Variants in AKAP13 observed in about 807,000 individuals in gnomAD.
AKAP13 encodes the protein A-kinase anchoring protein 13.
A neutral mutation model predicts 264.5 loss-of-function variants in AKAP13; 80 were observed. The ratio of observed to expected loss-of-function variants is 0.30; its 90% CI spans 0.25 to 0.36. The LOEUF (loss-of-function observed/expected upper bound fraction) is 0.36. Ranked by LOEUF, AKAP13 falls within the 10% of genes least tolerant of loss-of-function variation. AKAP13 has a pLI of 1.00. For missense variants in AKAP13, 3,712 were observed against 3,435.2 expected (o/e 1.08, Z -2.01); for synonymous variants, 1,380 against 1,250.2 (o/e 1.10, Z -2.19).
At chr15:85,502,980 G>C (rs1342596924) in intron 2 of AKAP13, among the ~76,000 whole-genome samples, 1 of 152,202 alleles carries the variant, frequency 6.6e-6, no homozygotes, top group Admixed American at 6.5e-5. Context: ...GAGATTAAGA[G>C]AGGTAGAGAC....
Position 85,549,688 on chromosome 15 carries a change from C to T in AKAP13, c.662+5733C>T, listed in dbSNP as rs764087710. On this transcript the variant is annotated intron_variant, in intron 5 of 36. Transcript: ENST00000394518. ...AATGCCAAGGCCCATATTCTTCCCTCTACAAAAATTTGGCAGAGAGAAAGA... is the reference window on the plus strand; with the variant it reads ...AATGCCAAGGCCCATATTCTTCCCTTTACAAAAATTTGGCAGAGAGAAAGA... 6.9e-4 allele frequency among the ~76,000 whole-genome samples: 105 copies of T among 152,112 alleles called. 1 individual carries two copies. The highest frequency in any genetic ancestry group is 1.2e-3 in the Non-Finnish European group (81 of 68,014).
chr15:85,498,079 AG>A (rs968334002), intron 2 of AKAP13, among the ~76,000 whole-genome samples: 22 of 151,966 alleles, frequency 1.4e-4, no homozygotes, highest in African/African-American at 5.1e-4. Context: ...TGAGGGACAG[AG>A]GGAGAATGGT....
At chr15:85,420,204 G>A (rs1332469815) in intron 1 of AKAP13, among the ~76,000 whole-genome samples, 3 of 151,276 alleles carry the variant, frequency 2.0e-5, no homozygotes, top group Admixed American at 2.0e-4. Flanking sequence ...GCCTCCCAAA[G>A]TGCTGGGATT....
intron 19 of AKAP13, among the ~76,000 whole-genome samples, chr15:85,711,816 G>A (rs915994565): frequency 1.3e-5 from 2 of 152,138 alleles, no homozygotes; most frequent in African/African-American, 2.4e-5. Flanking sequence ...CCAGCATTCT[G>A]TGTTTTTTTG....
chr15:85,501,661 T>A (rs1596347540), intron 2 of AKAP13, among the ~76,000 whole-genome samples: 1 of 152,352 alleles, frequency 6.6e-6, no homozygotes, highest in East Asian at 1.9e-4. Flanking sequence ...ATAACTATTT[T>A]TTTTCTACAT....
intron 17 of AKAP13, among the ~76,000 whole-genome samples, chr15:85,700,571 C>T (rs1487955503): frequency 2.6e-5 from 4 of 152,216 alleles, no homozygotes; most frequent in African/African-American, 7.2e-5. Context: ...TTCTCAGCCA[C>T]ACTTCTGTGT....
chr15:85,573,640 A>G (rs1330857695), intron 5 of AKAP13, among the ~76,000 whole-genome samples: 1 of 152,066 alleles, frequency 6.6e-6, no homozygotes, highest in African/African-American at 2.4e-5. Flanking sequence ...CATTTCATAT[A>G]AGGAGGAAAG....
At chr15:85,424,955 T>G (rs2072700405) in intron 1 of AKAP13, among the ~76,000 whole-genome samples, 1 of 152,228 alleles carries the variant, frequency 6.6e-6, no homozygotes, top group Admixed American at 6.5e-5. Context: ...TTATTTAGTT[T>G]GCTGTCTTCT....
chr15:85,666,372 T>A (rs897601679), intron 13 of AKAP13, among the ~76,000 whole-genome samples: 12 of 148,940 alleles, frequency 8.1e-5, no homozygotes, highest in Non-Finnish European at 1.4e-4. Flanking sequence ...TTGATGGAGT[T>A]TTTTTTTTCT....
chr15:85,653,499 T>C lies in AKAP13; in HGVS notation c.4375-1918T>C, dbSNP rs2082958508. ...GAACTGGAAAAAGAAAGCCTTCTTA[T>C]TAGCTTATGAGATCAAGCCCAAAAG... On this transcript the variant is annotated intron_variant, in intron 10 of 36. Coordinates refer to ENST00000394518, the MANE Select transcript of AKAP13 (RefSeq NM_007200.5). Among the ~76,000 whole-genome samples, 3 of 152,208 alleles carry C rather than the reference T, an allele frequency of 2.0e-5. No individual in the cohort carries two copies. The South Asian group carries it at 6.2e-4, about 31-fold the overall frequency.
At chr15:85,623,468 T>G (rs1244866633) in intron 8 of AKAP13, among the ~76,000 whole-genome samples, 1 of 152,228 alleles carries the variant, frequency 6.6e-6, no homozygotes, top group Admixed American at 6.5e-5. Flanking sequence ...GCATTCTCAT[T>G]CTGTGTTATA....
At chr15:85,524,456 G>T (rs906633506) in intron 3 of AKAP13, among the ~76,000 whole-genome samples, 1 of 151,960 alleles carries the variant, frequency 6.6e-6, no homozygotes, top group Non-Finnish European at 1.5e-5. Context: ...TTACAGACGT[G>T]AGCCACCGTG....
intron 12 of AKAP13, chr15:85,662,409 T>C (rs767998379): frequency 2.5e-6 from 4 of 1,614,206 alleles, no homozygotes; most frequent in Non-Finnish European, 3.4e-6. Flanking sequence ...GCCCCTCTGG[T>C]GTGCAGTACT....
chr15:85,735,539 A>C (rs992685722), intron 31 of AKAP13, 21 bp from the exon 32 acceptor site: 3 of 1,570,688 alleles, frequency 1.9e-6, no homozygotes, highest in African/African-American at 2.7e-5. Context: ...AAAAAAAAAA[A>C]CAACCCTATT....
intron 9 of AKAP13, among the ~76,000 whole-genome samples, chr15:85,644,102 A>G (rs756097034): frequency 2.0e-5 from 3 of 152,270 alleles, no homozygotes; most frequent in Non-Finnish European, 4.4e-5. Context: ...TTTAACTCCT[A>G]GATAGCCAGG....
chr15:85,518,226 T>C (rs1406094344), intron 2 of AKAP13, among the ~76,000 whole-genome samples: 1 of 152,208 alleles, frequency 6.6e-6, no homozygotes, highest in African/African-American at 2.4e-5. Flanking sequence ...TTTTTCCTTG[T>C]TATTTTTTCA....
intron 15 of AKAP13, 99 bp downstream of exon 15, chr15:85,682,311 T>C (rs189150675): frequency 9.7e-6 from 12 of 1,230,848 alleles, no homozygotes; most frequent in East Asian, 5.0e-5. Context: ...ATTGAGCTTA[T>C]TGGGTTCTTC....
At chr15:85,671,955 T>C (rs2083954562) in intron 14 of AKAP13, among the ~76,000 whole-genome samples, 1 of 152,198 alleles carries the variant, frequency 6.6e-6, no homozygotes, top group South Asian at 2.1e-4. Flanking sequence ...AACACTTCAT[T>C]ATTTTTCCTT....
intron 1 of AKAP13, among the ~76,000 whole-genome samples, chr15:85,406,300 A>G (rs2071658515): frequency 6.6e-6 from 1 of 152,170 alleles, no homozygotes; most frequent in African/African-American, 2.4e-5. Context: ...TGAAGGGACC[A>G]TGATTAAAAT....
Sources: gnomAD v4.1 joint callset for allele counts (sites outside exome capture counted in the v4.1 genomes callset) on GRCh38, gnomAD v4.1.1 for gene constraint, MANE v1.5 for transcripts, NCBI Gene and HGNC (gene_info 2026-07-23, HGNC 2026-07-21) for gene names.